Variants in PRPF3 observed in about 807,000 individuals in gnomAD.
PRPF3 encodes the protein pre-mRNA processing factor 3, also known as U4/U6 small nuclear ribonucleoprotein Prp3.
A neutral mutation model predicts 89.2 loss-of-function variants in PRPF3; 3 were observed. That is an observed-to-expected ratio of 0.03 (90% confidence interval 0.02 to 0.09). The LOEUF is 0.09. Among genes scored for constraint, PRPF3 ranks in the 10% least tolerant of loss-of-function variants. PRPF3 has a pLI of 1.00. For synonymous variants in PRPF3, 270 were observed against 289.1 expected, an observed-to-expected ratio of 0.93 and a Z score of 0.67; for missense variants, 463 against 828.8, an observed-to-expected ratio of 0.56 and a Z score of 5.42.
chr1:150,352,280 G>A (rs1659011386), intron 15 of PRPF3, among the ~76,000 whole-genome samples: 3 of 152,142 alleles, frequency 2.0e-5, no homozygotes, highest in Non-Finnish European at 1.5e-5. Context: ...TTCCTGACTT[G>A]CTGTTCCACC....
chr1:150,322,115 T>C (rs1553862186), intron 1 of PRPF3, among the ~76,000 whole-genome samples: 1 of 152,180 alleles, frequency 6.6e-6, no homozygotes, highest in Non-Finnish European at 1.5e-5. Flanking sequence ...ATTGGCTGTT[T>C]AGTTTGCACG....
intron 1 of PRPF3, among the ~76,000 whole-genome samples, chr1:150,323,496 G>A (rs587655968): frequency 9.5e-4 from 144 of 151,724 alleles, no homozygotes; most frequent in South Asian, 1.9e-3. Context: ...TTGGCCAGGC[G>A]TGGTGGTGCA....
At chr1:150,338,089 A>AAT in intron 7 of PRPF3, 71 bp from the exon 8 acceptor site, 7 of 1,544,572 alleles carry the variant, frequency 4.5e-6, no homozygotes, top group Admixed American at 3.7e-5. Flanking sequence ...AAAAAAAAAA[A>AAT]TTGAGATTCT....
chr1:150,323,615 A>T (rs1321813610), intron 1 of PRPF3, among the ~76,000 whole-genome samples: 1 of 117,244 alleles, frequency 8.5e-6, no homozygotes, highest in Non-Finnish European at 1.7e-5. Context: ...AGCCTGGGCG[A>T]CGGAGTGAGA....
intron 6 of PRPF3, 122 bp from the exon 7 acceptor site, chr1:150,334,813 T>A: frequency 8.4e-7 from 1 of 1,184,710 alleles, no homozygotes; most frequent in Admixed American, 2.0e-5. Flanking sequence ...AAGTGATCCC[T>A]CTGCCTTGGC....
intron 9 of PRPF3, among the ~76,000 whole-genome samples, chr1:150,342,519 C>G (rs1657862342): frequency 6.6e-6 from 1 of 151,968 alleles, no homozygotes; most frequent in African/African-American, 2.4e-5. Flanking sequence ...CACACACACA[C>G]ACACACATGT....
rs1445637187 is a variant in PRPF3 at position 150,325,214 on chromosome 1, G to C, written c.145+127G>C. On this transcript the variant is annotated intron_variant, in intron 2 of 15. Coordinates refer to ENST00000324862, the MANE Select transcript of PRPF3 (RefSeq NM_004698.4). ...GGCAGGCCATATTTTATTTTCACCT[G>C]TATTATAGTGAAAATAGGCTAAATA... is the stretch of plus-strand genomic sequence containing the variant. 7 of 1,056,758 alleles carry C rather than the reference G, an allele frequency of 6.6e-6. No homozygotes were observed. The African/African-American group carries it at 8.1e-5, about 12-fold the overall frequency. 65.5% of individuals were successfully genotyped at this position (1,056,758 alleles called of 1,614,324 possible).
intron 9 of PRPF3, among the ~76,000 whole-genome samples, chr1:150,341,793 C>G (rs1553871199): frequency 6.6e-6 from 1 of 151,522 alleles, no homozygotes; most frequent in African/African-American, 2.4e-5. Context: ...ACTTTCACCC[C>G]CCTGGGTTGA....
At chr1:150,322,760 A>C (rs1410090785) in intron 1 of PRPF3, among the ~76,000 whole-genome samples, 1 of 152,184 alleles carries the variant, frequency 6.6e-6, no homozygotes, top group East Asian at 1.9e-4. Flanking sequence ...TTTTGGAGAA[A>C]AGATGTCTTA....
intron 1 of PRPF3, among the ~76,000 whole-genome samples, chr1:150,323,659 T>C (rs1655358557): frequency 6.6e-6 from 1 of 151,948 alleles, no homozygotes; most frequent in Non-Finnish European, 1.5e-5. Context: ...GGTATTCTTT[T>C]CTGAGCTGAA....
intron 11 of PRPF3, 73 bp from the exon 12 acceptor site, chr1:150,344,361 C>G (rs1253651580): frequency 6.8e-6 from 11 of 1,613,936 alleles, no homozygotes; most frequent in African/African-American, 1.3e-5. Flanking sequence ...CTCCGTTGCT[C>G]TCTCTTTCCC....
chr1:150,336,993 C>T (rs1464437826), intron 7 of PRPF3, among the ~76,000 whole-genome samples: 1 of 150,150 alleles, frequency 6.7e-6, no homozygotes, highest in Non-Finnish European at 1.5e-5. Context: ...TATTGAATGA[C>T]CTTTGCCGCC....
chr1:150,347,231 T>G (rs1472506672), intron 14 of PRPF3, among the ~76,000 whole-genome samples: 2 of 149,732 alleles, frequency 1.3e-5, no homozygotes, highest in Non-Finnish European at 2.9e-5. Flanking sequence ...TTGATCAAAC[T>G]ATTTCTTTTG....
chr1:150,330,077 C>G (rs374962985), intron 4 of PRPF3: 1 of 151,870 alleles, frequency 6.6e-6, no homozygotes, highest in Non-Finnish European at 1.5e-5. Flanking sequence ...GTTTTTCAGG[C>G]AAGGTCTCAC....
chr1:150,350,057 G>A (rs1283442189), intron 15 of PRPF3, among the ~76,000 whole-genome samples: 2 of 151,816 alleles, frequency 1.3e-5, no homozygotes, highest in African/African-American at 2.4e-5. Context: ...CACCATGCCC[G>A]ACTAATTTTT....
intron 14 of PRPF3, among the ~76,000 whole-genome samples, chr1:150,348,466 T>TTTTTTTTTTTTTTTTA: frequency 9.1e-6 from 1 of 110,456 alleles, no homozygotes; most frequent in African/African-American, 3.7e-5. Flanking sequence ...GTGCATTTTT[T>TTTTTTTTTTTTTTTTA]TTTTTTTTTT....
intron 5 of PRPF3, 31 bp from the exon 6 acceptor site, chr1:150,332,948 T>G: frequency 6.3e-7 from 1 of 1,586,294 alleles, no homozygotes; most frequent in Non-Finnish European, 8.7e-7. Context: ...CCTGTCTTAA[T>G]TCCTCTGATT....
intron 14 of PRPF3, among the ~76,000 whole-genome samples, chr1:150,348,479 T>TTTTTTTTTTTTTTTTTTTTTTTA (rs1658546839): frequency 7.2e-6 from 1 of 139,272 alleles, no homozygotes; most frequent in Non-Finnish European, 1.5e-5. Context: ...TTTTTTTTTT[T>TTTTTTTTTTTTTTTTTTTTTTTA]GAGATGGAGT....
intron 7 of PRPF3, among the ~76,000 whole-genome samples, chr1:150,336,771 ATATT>A (rs1313437342): frequency 6.6e-6 from 1 of 151,182 alleles, no homozygotes; most frequent in Non-Finnish European, 1.5e-5. Context: ...ATATATATAT[ATATT>A]TATTAATATA....
Sources: gnomAD v4.1 joint callset for allele counts (sites outside exome capture counted in the v4.1 genomes callset) on GRCh38, gnomAD v4.1.1 for gene constraint, MANE v1.5 for transcripts, NCBI Gene and HGNC (gene_info 2026-07-23, HGNC 2026-07-21) for gene names.